CPT1A: variants seen among roughly 807,000 people sequenced by gnomAD.
The protein encoded by CPT1A is carnitine O-palmitoyltransferase 1, liver isoform.
Under a neutral mutation model 100.8 loss-of-function variants are expected in CPT1A, and 64 were observed. The ratio of observed to expected loss-of-function variants is 0.63; its 90% confidence interval spans 0.52 to 0.78. CPT1A has a LOEUF of 0.78. Among genes scored for constraint, CPT1A ranks in the 30% least tolerant of loss-of-function variants. CPT1A has a pLI of 0.00. For missense variants in CPT1A, 802 were observed against 1,034.1 expected, an observed-to-expected ratio of 0.78 and a Z score of 3.08; for synonymous variants, 363 against 396.0, an observed-to-expected ratio of 0.92 and a Z score of 0.99.
At chr11:68,794,390 TA>T (rs1417925242) in intron 8 of CPT1A, among the ~76,000 whole-genome samples, 3 of 152,170 alleles carry the variant, frequency 2.0e-5, no homozygotes, top group Non-Finnish European at 4.4e-5. Context: ...CATCAGAAGT[TA>T]GCAAACTCTA....
At chr11:68,786,074 G>C in intron 9 of CPT1A, 1 of 702,070 alleles carries the variant, frequency 1.4e-6, no homozygotes, top group Non-Finnish European at 2.6e-6. Context: ...TTAAAAATAG[G>C]ACAAGCTACC....
chr11:68,807,334 C>T, intron 4 of CPT1A, 133 bp downstream of exon 4: 2 of 904,056 alleles, frequency 2.2e-6, no homozygotes, highest in South Asian at 1.4e-5. Flanking sequence ...TCCAGCCATT[C>T]AAGGTTGAGG....
intron 14 of CPT1A, among the ~76,000 whole-genome samples, chr11:68,767,378 T>C (rs1854837988): frequency 2.6e-5 from 4 of 152,126 alleles, no homozygotes; most frequent in Admixed American, 2.0e-4. Context: ...TGCTTGAGCC[T>C]AGGAGTTTGA....
At position 68,820,223 on chromosome 11, in the gene CPT1A, C is replaced by T. The variant is rs58393265; in HGVS notation, c.-13-4736G>A. Among the ~76,000 whole-genome samples, 9 of 152,046 alleles carry T rather than the reference C, an allele frequency of 5.9e-5. No individual in the cohort carries two copies. The East Asian group carries it at 1.2e-3, about 20-fold the overall frequency. The stretch of plus-strand genomic sequence containing the variant: ...TTTATGTATTTTTTTGTAGAGACAG[C>T]GTTTCACCACCTTGCCCAGACTGGT... On this transcript the variant is annotated intron_variant, in intron 1 of 18. Transcript: ENST00000265641.
At chr11:68,787,742 G>C (rs572714602) in intron 9 of CPT1A, among the ~76,000 whole-genome samples, 2 of 151,994 alleles carry the variant, frequency 1.3e-5, no homozygotes, top group East Asian at 3.9e-4. Flanking sequence ...AGGAGTTCGA[G>C]GCCAGCCTGG....
In CPT1A at chr11:68,757,621, C is replaced by T. The variant is rs1946716063; in HGVS notation, c.*23G>A. The T allele has an allele frequency of 1.2e-6, 2 of 1,614,094 alleles. No homozygotes were observed. The highest frequency in any genetic ancestry group is 1.7e-5 in the Admixed American group (1 of 60,024). On this transcript the variant is annotated 3_prime_UTR_variant, in exon 19 of 19. Transcript: ENST00000265641. ...GGTTTGCATCAGAAGAGCTCGTTTT[C>T]CTTCCCAGCAGCTCCAGTGGAATTA...
chr11:68,817,368 C>A (rs1365650389), intron 1 of CPT1A, among the ~76,000 whole-genome samples: 1 of 152,098 alleles, frequency 6.6e-6, no homozygotes, highest in Non-Finnish European at 1.5e-5. Context: ...AGAAAGGCAC[C>A]CGACTTCAGA....
chr11:68,811,518 C>A (rs1339877652), intron 3 of CPT1A, among the ~76,000 whole-genome samples: 1 of 152,048 alleles, frequency 6.6e-6, no homozygotes, highest in African/African-American at 2.4e-5. Context: ...TGTTCACTCG[C>A]ATTTGTCTCA....
intron 2 of CPT1A, among the ~76,000 whole-genome samples, chr11:68,814,362 A>G (rs1447313285): frequency 2.7e-5 from 4 of 150,778 alleles, no homozygotes; most frequent in African/African-American, 9.8e-5. Flanking sequence ...GCTGGAGTGC[A>G]GTGGCGCGAT....
At chr11:68,770,522 G>A (rs576631695) in intron 14 of CPT1A, among the ~76,000 whole-genome samples, 13 of 152,266 alleles carry the variant, frequency 8.5e-5, no homozygotes, top group South Asian at 4.1e-4. Context: ...ATTAATACAC[G>A]ATGCCACTTA....
rs952416988 is a variant in CPT1A at position 68,823,459 on chromosome 11, C to G, written c.-13-7972G>C. Among the ~76,000 whole-genome samples, 7 of 152,198 alleles carry G rather than the reference C, an allele frequency of 4.6e-5. No individual in the cohort carries two copies. In the Middle Eastern group the frequency reaches 0.014, roughly 296 times the overall value. ...TCCATATCCTGTCCACCATAATGCT[C>G]TGGTCACATTAAGGACTCATTCAGC... On this transcript the variant is annotated intron_variant, in intron 1 of 18. Transcript: ENST00000265641.
chr11:68,767,245 T>C (rs1338267187), intron 14 of CPT1A, among the ~76,000 whole-genome samples: 2 of 152,234 alleles, frequency 1.3e-5, no homozygotes, highest in Admixed American at 1.3e-4. Flanking sequence ...TGCAGATCAT[T>C]GTAAGAAACA....
chr11:68,813,404 C>T (rs1258250655), intron 2 of CPT1A, among the ~76,000 whole-genome samples: 1 of 151,676 alleles, frequency 6.6e-6, no homozygotes, highest in South Asian at 2.1e-4. Context: ...TGGTGGTGGG[C>T]GCCTATAGTC....
intron 13 of CPT1A, 127 bp downstream of exon 13, chr11:68,775,189 T>G (rs1855109626): frequency 1.3e-6 from 1 of 782,438 alleles, no homozygotes; most frequent in Non-Finnish European, 2.2e-6. Context: ...CAAACAACTT[T>G]CAGCCTCAGT....
In CPT1A at chr11:68,819,347, C is replaced by T. The variant is rs768036990; in HGVS notation, c.-13-3860G>A. On this transcript the variant is annotated intron_variant, in intron 1 of 18. Coordinates refer to ENST00000265641, the MANE Select transcript of CPT1A (RefSeq NM_001876.4). ...CGCCCACCTCGGCCTCCCAAAGTGC[C>T]GGGATTACTGCTATGAGCCACCACG... 5.9e-5 allele frequency among the ~76,000 whole-genome samples: 9 copies of T among 152,118 alleles called. No individual in the cohort carries two copies. The Middle Eastern group carries it at 0.01, about 172-fold the overall frequency.
chr11:68,756,371 C>T lies in CPT1A; in HGVS notation c.*1273G>A, dbSNP rs751426944. 3 of 152,238 alleles carry T rather than the reference C, an allele frequency of 2.0e-5. No homozygotes were observed. The highest frequency in any genetic ancestry group is 2.1e-4 in the South Asian group (1 of 4,836). The allele number at this position is 152,238 out of a possible 1,614,324, so 9.4% of individuals were successfully genotyped here. On this transcript the variant is annotated 3_prime_UTR_variant, in exon 19 of 19. Coordinates refer to ENST00000265641, the MANE Select transcript of CPT1A (RefSeq NM_001876.4). Reference sequence around the variant, plus strand: ...CTGAAGATGACTCAGTGCATAATTGCTTTGTGGTCCATGAGACGCTTTCGT... The same window carrying T: ...CTGAAGATGACTCAGTGCATAATTGTTTTGTGGTCCATGAGACGCTTTCGT...
chr11:68,796,857 A>G lies in CPT1A; in HGVS notation c.770T>C (p.Met257Thr). ...PLMVNSNYYAMDLLYILPTHI... is the reference protein window; with the variant it reads ...PLMVNSNYYATDLLYILPTHI... ...AGCAGCCCGGGCGGGTGGACTCACC[A>G]TGGCATAATAGTTGCTGTTCACCAT... The change falls in exon 7 of 19, where the codon ATG becomes ACG. Residue 257 changes from methionine to threonine, a missense_variant and splice_region_variant. This residue lies in a region of CPT1A where 627 missense variants were observed against 799.3 expected (regional missense o/e 0.78). Transcript: ENST00000265641. 6.2e-7 allele frequency: 1 copy of G among 1,613,964 alleles called. No homozygotes were observed. The highest frequency in any genetic ancestry group is 8.5e-7 in the Non-Finnish European group (1 of 1,179,938).
intron 14 of CPT1A, among the ~76,000 whole-genome samples, chr11:68,769,734 C>G (rs1052915908): frequency 2.0e-5 from 3 of 152,090 alleles, no homozygotes; most frequent in African/African-American, 7.2e-5. Context: ...CCTGCCTGAC[C>G]TCTCACTGTG....
In CPT1A at chr11:68,760,296, G is replaced by C; in HGVS notation, c.2071C>G (p.Gln691Glu). 1.9e-6 allele frequency: 3 copies of C among 1,612,876 alleles called. No homozygotes were observed. The highest frequency in any genetic ancestry group is 2.5e-6 in the Non-Finnish European group (3 of 1,179,664). ...PWRLSTSQTPQQQVELFDLEN... is the reference protein window; with the variant it reads ...PWRLSTSQTPEQQVELFDLEN... ...AAGTCAAACAGCTCCACTTGCTGCT[G>C]AGGGGTCTGGCTTGTTGATAATCTC... is the stretch of plus-strand genomic sequence containing the variant. The change falls in exon 17 of 19, where the codon CAG becomes GAG. Residue 691 changes from glutamine to glutamate, a missense_variant. Around this residue, in one of 4 missense-constraint regions of CPT1A, gnomAD observed 627 missense variants for 799.3 expected, o/e 0.78. Coordinates refer to ENST00000265641, the MANE Select transcript of CPT1A (RefSeq NM_001876.4).
Sources: gnomAD v4.1 joint callset for allele counts (sites outside exome capture counted in the v4.1 genomes callset) on GRCh38, gnomAD v4.1.1 for gene constraint, gnomAD v4.1.1 regional missense constraint, MANE v1.5 for transcripts, NCBI Gene and HGNC (gene_info 2026-07-23, HGNC 2026-07-21) for gene names.